The following IQSEC3 variants were observed in gnomAD, a reference collection of about 807,000 sequenced individuals.
IQSEC3 encodes the protein IQ motif and SEC7 domain-containing protein 3.
In IQSEC3, 50 loss-of-function variants were observed where a neutral mutation model predicts 105.4. The ratio of observed to expected loss-of-function variants is 0.47; its 90% CI spans 0.38 to 0.60. The LOEUF is 0.60. Ranked by LOEUF, IQSEC3 falls within the 20% of genes least tolerant of loss-of-function variation. The pLI, the probability that IQSEC3 is intolerant of heterozygous loss-of-function variation, is 0.00. For synonymous variants in IQSEC3, 708 were observed against 746.0 expected (o/e 0.95, Z 0.83); for missense variants, 1,415 against 1,630.0 (o/e 0.87, Z 2.27).
Position 163,562 on chromosome 12 carries a change from G to C in IQSEC3, c.2652G>C (p.Lys884Asn). The change falls in exon 9 of 14, where the codon AAG becomes AAC. Residue 884 changes from lysine to asparagine, a missense_variant. Physicochemically the swap from Lys to Asn is moderately conservative, Grantham distance 94. This residue lies in a region of IQSEC3 where 419 missense variants were observed against 436.2 expected (regional missense o/e 0.96). Transcript: ENST00000538872. ...SRLFEVTDVN[K>N]LQKQAAHQRE... ...TCTTCGAGGTGACGGATGTGAACAAGCTGCAGAAGCAGGCAGCGCATCAGA... is the reference window on the plus strand; with the variant it reads ...TCTTCGAGGTGACGGATGTGAACAACCTGCAGAAGCAGGCAGCGCATCAGA... 1 of 1,610,950 alleles carries C rather than the reference G, an allele frequency of 6.2e-7. No individual in the cohort carries two copies. Among genetic ancestry groups the C allele is most frequent in the Non-Finnish European group, 8.5e-7 (1 of 1,178,306 alleles).
At chr12:81,076 G>A (rs909176015) in intron 1 of IQSEC3, among the ~76,000 whole-genome samples, 1 of 152,178 alleles carries the variant, frequency 6.6e-6, no homozygotes, top group African/African-American at 2.4e-5. Context: ...GGTCCACCAG[G>A]GAGCATTTGG....
chr12:147,467 G>A (rs1214982686), intron 5 of IQSEC3, among the ~76,000 whole-genome samples: 4 of 152,164 alleles, frequency 2.6e-5, no homozygotes, highest in African/African-American at 9.7e-5. Flanking sequence ...TCACAGAGCT[G>A]ATCAGTGGCT....
At chr12:167,228 G>C (rs939516058) in intron 11 of IQSEC3, 1 of 152,156 alleles carries the variant, frequency 6.6e-6, no homozygotes, top group Non-Finnish European at 1.5e-5. Flanking sequence ...CATTTTCAAG[G>C]AAGCACCTTG....
intron 13 of IQSEC3, among the ~76,000 whole-genome samples, chr12:171,710 C>T (rs1939007270): frequency 6.6e-6 from 1 of 152,170 alleles, no homozygotes; most frequent in African/African-American, 2.4e-5. Flanking sequence ...GGGGGAACTC[C>T]TCCCCGGAAC....
At chr12:85,330 A>G (rs1207773092) in intron 1 of IQSEC3, among the ~76,000 whole-genome samples, 1 of 152,234 alleles carries the variant, frequency 6.6e-6, no homozygotes, top group Non-Finnish European at 1.5e-5. Context: ...GGCTTTGCCT[A>G]GCTGCCAGGC....
At chr12:105,547 C>T (rs1194897002) in intron 2 of IQSEC3, among the ~76,000 whole-genome samples, 1 of 152,188 alleles carries the variant, frequency 6.6e-6, no homozygotes, top group East Asian at 1.9e-4. Context: ...CGAATTCCGA[C>T]GTGGAGCTAC....
intron 1 of IQSEC3, among the ~76,000 whole-genome samples, chr12:79,495 A>G (rs1387903444): frequency 6.6e-6 from 1 of 152,164 alleles, no homozygotes; most frequent in East Asian, 1.9e-4. Flanking sequence ...CAGTGGCACA[A>G]TCATTGCTCT....
At chr12:112,728 T>C (rs1202951610) in intron 2 of IQSEC3, among the ~76,000 whole-genome samples, 2 of 152,164 alleles carry the variant, frequency 1.3e-5, no homozygotes, top group African/African-American at 4.8e-5. Context: ...GGATGGGACC[T>C]GCTCATGGAG....
chr12:157,884 C>T (rs1038083548), intron 7 of IQSEC3, among the ~76,000 whole-genome samples, 190 bp downstream of exon 7: 1 of 152,224 alleles, frequency 6.6e-6, no homozygotes, highest in Non-Finnish European at 1.5e-5. Flanking sequence ...TGCAGCCTGC[C>T]ACCGCCACCG....
chr12:146,122 C>T (rs1210341999), intron 5 of IQSEC3, among the ~76,000 whole-genome samples: 4 of 152,184 alleles, frequency 2.6e-5, no homozygotes, highest in South Asian at 2.1e-4. Context: ...TCTTAGAGGA[C>T]GTTTAGAAAT....
intron 3 of IQSEC3, among the ~76,000 whole-genome samples, chr12:134,332 A>G (rs1555085747): frequency 6.6e-6 from 1 of 152,218 alleles, no homozygotes; most frequent in Non-Finnish European, 1.5e-5. Context: ...CAGATGCAAG[A>G]ATTTAAAATC....
intron 5 of IQSEC3, chr12:142,136 CCT>C (rs1866055182): frequency 6.6e-6 from 1 of 152,250 alleles, no homozygotes; most frequent in Admixed American, 6.5e-5. Flanking sequence ...ATTTCTCTCC[CCT>C]CTTTCTCCTT....
intron 5 of IQSEC3, chr12:144,537 A>C (rs1476812230): frequency 6.6e-6 from 1 of 152,256 alleles, no homozygotes; most frequent in Non-Finnish European, 1.5e-5. Context: ...AAAGCCTCTG[A>C]GAGGGGAAGG....
chr12:168,572 G>A (rs565810237), intron 11 of IQSEC3, among the ~76,000 whole-genome samples: 1 of 152,310 alleles, frequency 6.6e-6, no homozygotes, highest in African/African-American at 2.4e-5. Flanking sequence ...TACTTAAGGA[G>A]TACAGGTCAC....
intron 1 of IQSEC3, among the ~76,000 whole-genome samples, chr12:88,315 T>C (rs1863980731): frequency 6.6e-6 from 1 of 152,164 alleles, no homozygotes; most frequent in South Asian, 2.1e-4. Context: ...GAAAAAACAC[T>C]GAGTTACTGC....
intron 8 of IQSEC3, 146 bp downstream of exon 8, chr12:162,211 A>T: frequency 1.2e-6 from 1 of 830,858 alleles, no homozygotes; most frequent in Non-Finnish European, 1.8e-6. Context: ...TGTGCCAGAC[A>T]CTGCATCTCT....
Position 85,602 on chromosome 12 carries a change from G to C in IQSEC3, c.555-13544G>C, listed in dbSNP as rs564374546. Among the ~76,000 whole-genome samples the C allele has an allele frequency of 2.0e-5, 3 of 152,352 alleles. No individual in the cohort carries two copies. The South Asian group carries it at 6.2e-4, about 32-fold the overall frequency. On this transcript the variant is annotated intron_variant, in intron 1 of 13. Transcript: ENST00000538872. ...CGAGGACTGACAGCAAGCTCTCACT[G>C]TTCTGGGGCTGGGCTGAGTGGCGGG...
At chr12:141,452 G>A (rs1434753089) in intron 5 of IQSEC3, 167 bp downstream of exon 5, 2 of 681,012 alleles carry the variant, frequency 2.9e-6, no homozygotes, top group Admixed American at 3.0e-5. Context: ...ACCCCAGTGG[G>A]CCGGAGCCCT....
intron 5 of IQSEC3, among the ~76,000 whole-genome samples, chr12:153,566 AT>A (rs1368999901): frequency 2.0e-5 from 3 of 151,982 alleles, no homozygotes; most frequent in African/African-American, 4.8e-5. Context: ...AGAAAATGTC[AT>A]TTTTTCCCCC....
Sources: gnomAD v4.1 joint callset for allele counts (sites outside exome capture counted in the v4.1 genomes callset) on GRCh38, gnomAD v4.1.1 for gene constraint, gnomAD v4.1.1 regional missense constraint, MANE v1.5 for transcripts, NCBI Gene and HGNC (gene_info 2026-07-23, HGNC 2026-07-21) for gene names.